Variants in HECW1 observed in about 807,000 individuals in gnomAD.
HECW1 encodes the protein HECT, C2 and WW domain containing E3 ubiquitin protein ligase 1, also known as E3 ubiquitin-protein ligase HECW1.
HECW1 carries 61 observed loss-of-function variants against 182.3 expected under a neutral mutation model. The observed-to-expected ratio is 0.33, with a 90% CI of 0.27 to 0.41. The LOEUF is 0.41. Among genes scored for constraint, HECW1 ranks in the 10% least tolerant of loss-of-function variants. HECW1 has a pLI of 1.00. For missense variants in HECW1, 1,739 were observed against 2,108.9 expected (o/e 0.82, Z 3.44); for synonymous variants, 859 against 832.6 (o/e 1.03, Z -0.55).
At chr7:43,135,552 A>G (rs1787432943) in intron 2 of HECW1, among the ~76,000 whole-genome samples, 1 of 152,226 alleles carries the variant, frequency 6.6e-6, no homozygotes, top group Non-Finnish European at 1.5e-5. Flanking sequence ...CTCTTGACTA[A>G]GGAAATGCTC....
intron 8 of HECW1, among the ~76,000 whole-genome samples, chr7:43,414,809 C>A (rs1201101800): frequency 1.3e-5 from 2 of 151,860 alleles, no homozygotes; most frequent in African/African-American, 2.4e-5. Flanking sequence ...ATGAAGCCCA[C>A]TTGATCATGG....
At chr7:43,494,528 G>C (rs1291812874) in intron 19 of HECW1, among the ~76,000 whole-genome samples, 2 of 147,940 alleles carry the variant, frequency 1.4e-5, no homozygotes, top group Non-Finnish European at 3.0e-5. Flanking sequence ...TTTTGAGACA[G>C]AGTCTTGCTC....
At chr7:43,220,269 G>T (rs1338165049) in intron 2 of HECW1, among the ~76,000 whole-genome samples, 1 of 152,240 alleles carries the variant, frequency 6.6e-6, no homozygotes, top group African/African-American at 2.4e-5. Context: ...GGAGCACCTA[G>T]AATGCAACGC....
chr7:43,407,575 G>A lies in HECW1; in HGVS notation c.645G>A (p.Met215Ile). 3 of 1,611,454 alleles carry A rather than the reference G, an allele frequency of 1.9e-6. No individual in the cohort carries two copies. Among genetic ancestry groups the A allele is most frequent in the Non-Finnish European group, 2.5e-6 (3 of 1,178,230 alleles). ...TTTATTTTATAGATTTCCAAGCCAT[G>A]GGGTTGAAGAAAGGGATGTTTTTCA... Reference protein sequence around the residue: ...ISFSLSDFQAMGLKKGMFFNP... With the variant: ...ISFSLSDFQAIGLKKGMFFNP... The change falls in exon 8 of 30, where the codon ATG (methionine) becomes ATA (isoleucine). Residue 215 changes from methionine (M) to isoleucine (I), a missense_variant. Physicochemically the swap from Met to Ile is conservative, Grantham distance 10. Coordinates refer to ENST00000395891, the MANE Select transcript of HECW1 (RefSeq NM_015052.5).
intron 2 of HECW1, among the ~76,000 whole-genome samples, chr7:43,196,409 A>C (rs932782887): frequency 6.6e-6 from 1 of 152,204 alleles, no homozygotes; most frequent in African/African-American, 2.4e-5. Flanking sequence ...CAACTATTTC[A>C]ATCAGTGTCT....
intron 2 of HECW1, among the ~76,000 whole-genome samples, chr7:43,193,198 A>G (rs940972964): frequency 1.3e-5 from 2 of 152,146 alleles, no homozygotes; most frequent in African/African-American, 2.4e-5. Context: ...AGCAGTGAGG[A>G]CTACTAGAAT....
chr7:43,437,159 G>A (rs888099749), intron 8 of HECW1, among the ~76,000 whole-genome samples: 7 of 152,148 alleles, frequency 4.6e-5, no homozygotes, highest in Admixed American at 2.6e-4. Context: ...GCAGTTCAAA[G>A]TACAAATGAA....
chr7:43,187,642 T>A (rs1793536267), intron 2 of HECW1, among the ~76,000 whole-genome samples: 1 of 152,092 alleles, frequency 6.6e-6, no homozygotes, highest in African/African-American at 2.4e-5. Context: ...TTCCTTTATA[T>A]TATAATTTTC....
At chr7:43,351,986 C>G (rs1473526081) in intron 5 of HECW1, among the ~76,000 whole-genome samples, 1 of 152,100 alleles carries the variant, frequency 6.6e-6, no homozygotes, top group Non-Finnish European at 1.5e-5. Context: ...TCCTTTTTGA[C>G]AGGCTTTAGA....
intron 26 of HECW1, among the ~76,000 whole-genome samples, chr7:43,544,650 A>G (rs1173842762): frequency 6.6e-6 from 1 of 152,206 alleles, no homozygotes; most frequent in African/African-American, 2.4e-5. Flanking sequence ...TTACTAATAT[A>G]TTAGGATCTT....
chr7:43,367,128 C>A (rs953312527), intron 6 of HECW1, among the ~76,000 whole-genome samples: 19 of 152,178 alleles, frequency 1.2e-4, no homozygotes, highest in African/African-American at 4.6e-4. Context: ...GGCACTATAG[C>A]CATGTTCTTA....
intron 3 of HECW1, among the ~76,000 whole-genome samples, chr7:43,275,192 T>C (rs963537430): frequency 6.6e-6 from 1 of 152,200 alleles, no homozygotes; most frequent in African/African-American, 2.4e-5. Context: ...ACAAAAAGTT[T>C]ACTTGAAATC....
intron 7 of HECW1, among the ~76,000 whole-genome samples, chr7:43,404,489 A>G (rs1051865913): frequency 6.6e-6 from 1 of 152,166 alleles, no homozygotes; most frequent in Non-Finnish European, 1.5e-5. Context: ...TTATCTTTTT[A>G]AAAAAATAAG....
At chr7:43,318,510 G>T (rs1809629512) in intron 4 of HECW1, among the ~76,000 whole-genome samples, 2 of 152,124 alleles carry the variant, frequency 1.3e-5, no homozygotes, top group Admixed American at 6.6e-5. Flanking sequence ...GCCAGAGAAG[G>T]GGCAGCCTAA....
At chr7:43,495,345 G>A (rs924173900) in intron 19 of HECW1, among the ~76,000 whole-genome samples, 21 of 152,094 alleles carry the variant, frequency 1.4e-4, no homozygotes, top group African/African-American at 4.6e-4. Context: ...TCCCACTTAT[G>A]AGTGAGAACA....
chr7:43,331,239 G>T (rs141439385), intron 5 of HECW1, among the ~76,000 whole-genome samples: 16,530 of 151,436 alleles, frequency 0.11, 1,064 homozygotes, highest in Middle Eastern at 0.3. Context: ...TGTGGTGTTT[G>T]GTTTTCTGTC....
intron 6 of HECW1, among the ~76,000 whole-genome samples, chr7:43,391,107 A>G (rs1247782087): frequency 1.3e-5 from 2 of 152,204 alleles, no homozygotes; most frequent in Non-Finnish European, 2.9e-5. Flanking sequence ...ACCCATTTAA[A>G]TTAAATAAAC....
intron 5 of HECW1, among the ~76,000 whole-genome samples, chr7:43,335,244 A>G (rs771566228): frequency 1.3e-5 from 2 of 152,192 alleles, no homozygotes; most frequent in South Asian, 2.1e-4. Context: ...GCAGTTCCCA[A>G]ATTAGAGAAA....
intron 4 of HECW1, among the ~76,000 whole-genome samples, chr7:43,317,809 TTG>T (rs3032881): frequency 0.11 from 15,593 of 142,204 alleles, 833 homozygotes; most frequent in South Asian, 0.22. Flanking sequence ...TTTCTCATTA[TTG>T]TGTGTGTGTG....
Sources: gnomAD v4.1 joint callset for allele counts (sites outside exome capture counted in the v4.1 genomes callset) on GRCh38, gnomAD v4.1.1 for gene constraint, MANE v1.5 for transcripts, NCBI Gene and HGNC (gene_info 2026-07-23, HGNC 2026-07-21) for gene names.